GALNT17: variants seen among roughly 807,000 people sequenced by gnomAD.
GALNT17 encodes UDP-GalNAc:polypeptide N-acetylgalactosaminyltransferase-like 3.
Under a neutral mutation model 63.7 loss-of-function variants are expected in GALNT17, and 29 were observed. That is an observed-to-expected ratio of 0.46 (90% CI 0.34 to 0.62). GALNT17 has a LOEUF of 0.62. Among genes scored for constraint, GALNT17 ranks in the 20% least tolerant of loss-of-function variants. The pLI is 0.01. For missense variants in GALNT17, 603 were observed against 799.6 expected (o/e 0.75, Z 2.97); for synonymous variants, 305 against 318.3 (o/e 0.96, Z 0.45).
intron 5 of GALNT17, among the ~76,000 whole-genome samples, chr7:71,421,355 T>C (rs11972101): frequency 0.045 from 6,911 of 152,302 alleles, 562 homozygotes; most frequent in African/African-American, 0.16. Context: ...CTGATAGTAA[T>C]GTTCACACTT....
intron 5 of GALNT17, among the ~76,000 whole-genome samples, chr7:71,433,051 C>T (rs1446623075): frequency 6.6e-6 from 1 of 152,136 alleles, no homozygotes; most frequent in African/African-American, 2.4e-5. Flanking sequence ...GTGATCTGCC[C>T]ACCTTGGCCT....
At chr7:71,317,072 C>T (rs1249904991) in intron 1 of GALNT17, among the ~76,000 whole-genome samples, 1 of 152,168 alleles carries the variant, frequency 6.6e-6, no homozygotes, top group Non-Finnish European at 1.5e-5. Flanking sequence ...CCTGCGGCCT[C>T]CGGCTTGAGC....
chr7:71,645,698 G>A (rs1399156755), intron 6 of GALNT17, among the ~76,000 whole-genome samples: 3 of 152,152 alleles, frequency 2.0e-5, no homozygotes, highest in African/African-American at 7.2e-5. Flanking sequence ...ACTGAGATTT[G>A]TCATTTCTTC....
intron 1 of GALNT17, among the ~76,000 whole-genome samples, chr7:71,232,560 C>T (rs1006423755): frequency 2.0e-5 from 3 of 151,998 alleles, no homozygotes; most frequent in African/African-American, 7.3e-5. Flanking sequence ...GGGGCTTAAC[C>T]TGGGAAGGTT....
At chr7:71,359,947 C>T (rs1036688997) in intron 2 of GALNT17, among the ~76,000 whole-genome samples, 5 of 152,140 alleles carry the variant, frequency 3.3e-5, no homozygotes, top group African/African-American at 1.2e-4. Context: ...TCCACGATCT[C>T]CCCACTTGGT....
rs192926771 is a variant in GALNT17 at position 71,309,947 on chromosome 7, T to A, written c.239-25603T>A. On this transcript the variant is annotated intron_variant, in intron 1 of 10. Transcript: ENST00000333538. ...AGGGACTTGGTGGGAGGTAATTGAATCATGGGGGCAGGCCTTTCCCATGCT... is the reference window on the plus strand; with the variant it reads ...AGGGACTTGGTGGGAGGTAATTGAAACATGGGGGCAGGCCTTTCCCATGCT... Among the ~76,000 whole-genome samples the A allele has an allele frequency of 1.5e-3, 236 of 152,296 alleles. 2 individuals are homozygous for A. Among genetic ancestry groups the A allele is most frequent in the African/African-American group, 5.2e-3 (215 of 41,564 alleles).
In GALNT17 at chr7:71,531,462, G is replaced by A. The variant is rs371047418; in HGVS notation, c.963-39823G>A. Among the ~76,000 whole-genome samples the A allele has an allele frequency of 3.3e-5, 5 of 152,316 alleles. No homozygotes were observed. In the East Asian group the frequency reaches 7.7e-4, roughly 23 times the overall value. On this transcript the variant is annotated intron_variant, in intron 5 of 10. Transcript: ENST00000333538. ...TGCAGAGCTAGATGATAATTCAGCA[G>A]CAGCTGCACACATACTAGTAGTAGT...
chr7:71,464,719 G>A (rs573378589), intron 5 of GALNT17, among the ~76,000 whole-genome samples: 1 of 152,176 alleles, frequency 6.6e-6, no homozygotes, highest in Non-Finnish European at 1.5e-5. Context: ...TCCGTGGACA[G>A]GATCAAGACT....
intron 1 of GALNT17, among the ~76,000 whole-genome samples, chr7:71,302,535 G>GCA (rs147435164): frequency 0.019 from 2,901 of 152,146 alleles, 107 homozygotes; most frequent in African/African-American, 0.066. Context: ...AGGGCCATGT[G>GCA]CACACACTCT....
At chr7:71,226,484 G>A (rs1251122483) in intron 1 of GALNT17, among the ~76,000 whole-genome samples, 2 of 150,212 alleles carry the variant, frequency 1.3e-5, no homozygotes, top group African/African-American at 5.0e-5. Flanking sequence ...GCATGATGAG[G>A]TTGGCTTTCT....
intron 5 of GALNT17, among the ~76,000 whole-genome samples, chr7:71,464,130 G>A (rs769447902): frequency 6.6e-6 from 1 of 152,144 alleles, no homozygotes; most frequent in Non-Finnish European, 1.5e-5. Context: ...GATGGTTTCA[G>A]TGTCAGTGGG....
intron 1 of GALNT17, among the ~76,000 whole-genome samples, chr7:71,183,928 C>A (rs1788783482): frequency 6.6e-6 from 1 of 152,064 alleles, no homozygotes; most frequent in African/African-American, 2.4e-5. Context: ...GCAGCAGGGA[C>A]AACCACATCT....
intron 6 of GALNT17, 36 bp downstream of exon 6, chr7:71,571,438 C>T (rs745517440): frequency 1.3e-6 from 2 of 1,566,376 alleles, no homozygotes; most frequent in East Asian, 4.5e-5. Flanking sequence ...TTGGTGTGCC[C>T]ATGTTTGTGA....
intron 1 of GALNT17, among the ~76,000 whole-genome samples, chr7:71,164,489 T>C (rs889183079): frequency 1.3e-5 from 2 of 152,210 alleles, no homozygotes; most frequent in African/African-American, 4.8e-5. Context: ...GATCACAATT[T>C]GAGATGAGAT....
chr7:71,302,616 C>T (rs1055402346), intron 1 of GALNT17, among the ~76,000 whole-genome samples: 2 of 152,058 alleles, frequency 1.3e-5, no homozygotes, highest in Non-Finnish European at 2.9e-5. Flanking sequence ...TCTCATAGAA[C>T]GTCACTGTAA....
intron 1 of GALNT17, among the ~76,000 whole-genome samples, chr7:71,143,890 AAG>A (rs1038419360): frequency 3.3e-5 from 5 of 151,672 alleles, no homozygotes; most frequent in African/African-American, 9.7e-5. Context: ...AAAAAAAAAA[AAG>A]AGTGCAGCAG....
At chr7:71,546,884 C>T (rs574205950) in intron 5 of GALNT17, among the ~76,000 whole-genome samples, 4 of 152,200 alleles carry the variant, frequency 2.6e-5, no homozygotes, top group Non-Finnish European at 5.9e-5. Flanking sequence ...CTCAGAAACT[C>T]TTTTATGGGT....
At chr7:71,223,681 A>C (rs1349961303) in intron 1 of GALNT17, among the ~76,000 whole-genome samples, 2 of 152,008 alleles carry the variant, frequency 1.3e-5, no homozygotes, top group Admixed American at 1.3e-4. Flanking sequence ...CCCAATAGTT[A>C]CCTTGTCTGC....
At chr7:71,281,074 G>A (rs772012056) in intron 1 of GALNT17, among the ~76,000 whole-genome samples, 8 of 152,204 alleles carry the variant, frequency 5.3e-5, no homozygotes, top group Non-Finnish European at 1.0e-4. Flanking sequence ...GGAACCATGG[G>A]ACCAGCTATT....
Sources: allele counts gnomAD v4.1 joint callset (sites outside exome capture counted in the v4.1 genomes callset), GRCh38; gene constraint gnomAD v4.1.1; transcripts MANE v1.5; gene names NCBI Gene and HGNC (gene_info 2026-07-23, HGNC 2026-07-21).